The following MYO7A variants were observed in gnomAD, a reference collection of about 807,000 sequenced individuals.
MYO7A encodes unconventional myosin-VIIa.
MYO7A carries 210 observed loss-of-function variants against 263.8 expected under a neutral mutation model. The ratio of observed to expected loss-of-function variants is 0.80; its 90% CI spans 0.71 to 0.89. The LOEUF (loss-of-function observed/expected upper bound fraction) is 0.89, where lower values mean the gene tolerates loss of function less well. Among genes scored for constraint, MYO7A ranks in the 40% least tolerant of loss-of-function variants. The pLI, the probability that MYO7A is intolerant of heterozygous loss-of-function variation, is 0.00. For missense variants in MYO7A, 2,820 were observed against 2,968.3 expected, an observed-to-expected ratio of 0.95 and a Z score of 1.16; for synonymous variants, 1,239 against 1,197.3, an observed-to-expected ratio of 1.03 and a Z score of -0.72.
Position 77,160,224 on chromosome 11 carries a change from C to G in MYO7A, c.1142C>G (p.Thr381Arg). The change falls in exon 11 of 49, where the codon ACG becomes AGG. Residue 381 changes from threonine to arginine, a missense_variant. Transcript: ENST00000409709. ...CGCACCCTCATCACCCGCGGGGAGA[C>G]GGTGTCCACCCCACTGAGCAGGGAA... ...TSRTLITRGE[T>R]VSTPLSREQA... The G allele has an allele frequency of 6.3e-7, 1 of 1,581,444 alleles. No individual in the cohort carries two copies. Among genetic ancestry groups the G allele is most frequent in the African/African-American group, 1.3e-5 (1 of 74,220 alleles).
At chr11:77,165,960 T>G (rs1555072244) in intron 14 of MYO7A, 96 bp from the exon 15 acceptor site, 1 of 813,190 alleles carries the variant, frequency 1.2e-6, no homozygotes, top group Non-Finnish European at 2.1e-6. Context: ...GTGGTGGAAC[T>G]AGGTGGATTT....
chr11:77,182,622 G>T (rs1565415389), intron 25 of MYO7A, 22 bp downstream of exon 25: 1 of 1,612,204 alleles, frequency 6.2e-7, no homozygotes, highest in South Asian at 1.1e-5. Context: ...GTGCCCTCTG[G>T]ATGATGTCCC....
Position 77,195,895 on chromosome 11 carries a change from AGCAGGGGCTTTCTCCTGAG to A in MYO7A, c.4323+1374_4323+1392del, listed in dbSNP as rs1452046160. On this transcript the variant is annotated intron_variant, in intron 32 of 48. Transcript: ENST00000409709. Reference sequence around the variant, plus strand: ...CCTGGAGCTCCGAGATCAAGGTGTCAGCAGGGGCTTTCTCCTGAGGCTTCTCCTCTCGGCCTGCAGATGG... The same window carrying A: ...CCTGGAGCTCCGAGATCAAGGTGTCAGCTTCTCCTCTCGGCCTGCAGATGG... Among the ~76,000 whole-genome samples the A allele has an allele frequency of 7.3e-4, 112 of 152,382 alleles. 1 individual carries two copies. Among genetic ancestry groups the A allele is most frequent in the African/African-American group, 2.6e-3 (108 of 41,600 alleles).
At chr11:77,132,465 GGTTTT>G (rs1451787195) in intron 2 of MYO7A, among the ~76,000 whole-genome samples, 4 of 150,026 alleles carry the variant, frequency 2.7e-5, no homozygotes, top group African/African-American at 9.8e-5. Flanking sequence ...GGAAAACAGG[GGTTTT>G]GTTTGTTTGT....
intron 45 of MYO7A, 89 bp downstream of exon 45, chr11:77,211,426 GC>G: frequency 2.9e-6 from 4 of 1,366,774 alleles, no homozygotes; most frequent in Non-Finnish European, 3.9e-6. Context: ...CTGGCCAGCA[GC>G]CCAGGGAGGT....
intron 2 of MYO7A, among the ~76,000 whole-genome samples, chr11:77,132,366 A>G (rs1465044957): frequency 2.6e-5 from 4 of 151,644 alleles, no homozygotes; most frequent in African/African-American, 9.7e-5. Flanking sequence ...GGAAGAGAGG[A>G]GGAGAGAGGC....
intron 27 of MYO7A, among the ~76,000 whole-genome samples, chr11:77,189,088 C>T (rs1420671761): frequency 6.6e-6 from 1 of 152,176 alleles, no homozygotes; most frequent in East Asian, 1.9e-4. Flanking sequence ...ACGCACCACC[C>T]TGGATGGTGG....
chr11:77,213,799 G>A (rs2135802087), intron 47 of MYO7A, 61 bp from the exon 48 acceptor site: 1 of 1,611,974 alleles, frequency 6.2e-7, no homozygotes, highest in East Asian at 2.2e-5. Flanking sequence ...GAGGGCATGT[G>A]TGGGCAAGTG....
In MYO7A at chr11:77,205,624, C is replaced by T. The variant is rs529873922; in HGVS notation, c.5636+7C>T. 4.4e-5 allele frequency: 71 copies of T among 1,612,926 alleles called. No homozygotes were observed. Among genetic ancestry groups the T allele is most frequent in the Middle Eastern group, 3.3e-4 (2 of 6,076 alleles). On this transcript the variant is annotated splice_region_variant and intron_variant, in intron 40 of 48. Coordinates refer to ENST00000409709, the MANE Select transcript of MYO7A (RefSeq NM_000260.4). Reference sequence around the variant, plus strand: ...GGCTCCAGAAAGCCCTGAGGTACAGCGGCCACCAGGGGCAGGGACAGACAC... The same window carrying T: ...GGCTCCAGAAAGCCCTGAGGTACAGTGGCCACCAGGGGCAGGGACAGACAC...
intron 37 of MYO7A, 147 bp from the exon 38 acceptor site, chr11:77,202,913 C>T (rs1220421228): frequency 1.9e-6 from 2 of 1,040,118 alleles, no homozygotes; most frequent in East Asian, 2.6e-5. Flanking sequence ...CCTCGGGTCA[C>T]ATGCAGGGCA....
At chr11:77,147,599 G>C (rs1303451379) in intron 3 of MYO7A, among the ~76,000 whole-genome samples, 199 bp from the exon 4 acceptor site, 2 of 152,100 alleles carry the variant, frequency 1.3e-5, no homozygotes, top group Non-Finnish European at 2.9e-5. Context: ...CTAAGAGAAG[G>C]AGCGGTCCTT....
intron 15 of MYO7A, among the ~76,000 whole-genome samples, chr11:77,167,673 C>T (rs971454762): frequency 6.6e-6 from 1 of 152,152 alleles, no homozygotes; most frequent in Non-Finnish European, 1.5e-5. Flanking sequence ...CCTCAGCCCT[C>T]CATTTCCTCT....
chr11:77,182,079 G>A lies in MYO7A; in HGVS notation c.3033G>A (p.Gly1011=). ...FAKFAATYFQ[G]TTTHSYTRRP... Reference sequence around the variant, plus strand: ...AGTTCGCGGCCACCTACTTCCAGGGGACAACCACGCACTCCTACACCCGGC... The same window carrying A: ...AGTTCGCGGCCACCTACTTCCAGGGAACAACCACGCACTCCTACACCCGGC... The change falls in exon 24 of 49, where the codon GGG becomes GGA. Residue 1011 remains glycine, a synonymous_variant. Transcript: ENST00000409709. The A allele has an allele frequency of 6.2e-7, 1 of 1,613,300 alleles. No homozygotes were observed. The highest frequency in any genetic ancestry group is 8.5e-7 in the Non-Finnish European group (1 of 1,179,746).
chr11:77,173,117 C>T (rs1416862282), intron 16 of MYO7A, among the ~76,000 whole-genome samples: 4 of 152,222 alleles, frequency 2.6e-5, no homozygotes, highest in African/African-American at 9.6e-5. Context: ...CTGCCTCTAC[C>T]ATGTACAAGT....
chr11:77,185,820 C>G (rs1955606048), intron 27 of MYO7A, among the ~76,000 whole-genome samples: 1 of 152,070 alleles, frequency 6.6e-6, no homozygotes, highest in South Asian at 2.1e-4. Flanking sequence ...AAATGTATTT[C>G]TTAAATAAGA....
intron 3 of MYO7A, among the ~76,000 whole-genome samples, chr11:77,144,143 C>T (rs1158045017): frequency 1.3e-5 from 2 of 152,200 alleles, no homozygotes; most frequent in Non-Finnish European, 2.9e-5. Flanking sequence ...TCAGCATTAT[C>T]TCAGCGGCGA....
intron 4 of MYO7A, 110 bp downstream of exon 4, chr11:77,148,060 C>T (rs1443678947): frequency 1.2e-4 from 122 of 1,022,918 alleles, no homozygotes; most frequent in Middle Eastern, 3.2e-4. Flanking sequence ...GGGGCCCTGC[C>T]TCCTGAGACT....
At chr11:77,166,031 G>A (rs782811154) in intron 14 of MYO7A, 25 bp from the exon 15 acceptor site, 14 of 1,577,742 alleles carry the variant, frequency 8.9e-6, no homozygotes, top group Non-Finnish European at 9.6e-6. Context: ...GCTGGTGAGA[G>A]GTGACTGCTG....
At chr11:77,179,663 G>A (rs1954998828) in intron 20 of MYO7A, 72 bp from the exon 21 acceptor site, 1 of 1,384,038 alleles carries the variant, frequency 7.2e-7, no homozygotes, top group Non-Finnish European at 9.7e-7. Flanking sequence ...CCGGTGCCAT[G>A]GAAGCTCCTG....
Sources: gnomAD v4.1 joint callset for allele counts (sites outside exome capture counted in the v4.1 genomes callset) on GRCh38, gnomAD v4.1.1 for gene constraint, MANE v1.5 for transcripts, NCBI Gene and HGNC (gene_info 2026-07-23, HGNC 2026-07-21) for gene names.